DOK5: variants seen among roughly 807,000 people sequenced by gnomAD.
DOK5 encodes downstream of tyrosine kinase 5.
A neutral mutation model predicts 43.3 loss-of-function variants in DOK5; 27 were observed. The ratio of observed to expected loss-of-function variants is 0.62; its 90% CI spans 0.46 to 0.86. The LOEUF (loss-of-function observed/expected upper bound fraction) is 0.86. Ranked by LOEUF, DOK5 falls within the 40% of genes least tolerant of loss-of-function variation. DOK5 has a pLI of 0.00. For synonymous variants in DOK5, 146 were observed against 140.1 expected (o/e 1.04, Z -0.30); for missense variants, 373 against 392.9 (o/e 0.95, Z 0.43).
chr20:54,615,348 G>A (rs886184427), intron 6 of DOK5, among the ~76,000 whole-genome samples: 1 of 152,144 alleles, frequency 6.6e-6, no homozygotes, highest in Non-Finnish European at 1.5e-5. Flanking sequence ...ACCTTACAAG[G>A]CAAAAGGGAC....
rs141236598 is a variant in DOK5 at position 54,587,832 on chromosome 20, C to T, written c.175-651C>T. Reference sequence around the variant, plus strand: ...GTGTTCTCAGAGCCTAAAACAGAGGCCCTGTAACCACTGAGGAGCTAGGAG... The same window carrying T: ...GTGTTCTCAGAGCCTAAAACAGAGGTCCTGTAACCACTGAGGAGCTAGGAG... On this transcript the variant is annotated intron_variant, in intron 2 of 7. Transcript: ENST00000262593. Among the ~76,000 whole-genome samples, 279 of 152,174 alleles carry T rather than the reference C, an allele frequency of 1.8e-3. 1 individual carries two copies. The highest frequency in any genetic ancestry group is 3.4e-3 in the Middle Eastern group (1 of 294).
intron 1 of DOK5, among the ~76,000 whole-genome samples, chr20:54,509,843 C>T (rs1037514853): frequency 2.0e-5 from 3 of 151,936 alleles, no homozygotes; most frequent in African/African-American, 7.3e-5. Flanking sequence ...GTCCCGAAAA[C>T]TAATGCTGCC....
chr20:54,485,326 CT>C (rs1226617839), intron 1 of DOK5, among the ~76,000 whole-genome samples: 2 of 145,044 alleles, frequency 1.4e-5, no homozygotes, highest in Non-Finnish European at 3.0e-5. Context: ...GCACTCCAGC[CT>C]GGGTGACAAG....
At chr20:54,569,073 A>G (rs1985199163) in intron 2 of DOK5, among the ~76,000 whole-genome samples, 1 of 151,980 alleles carries the variant, frequency 6.6e-6, no homozygotes, top group African/African-American at 2.4e-5. Context: ...CATTTTTCAA[A>G]CTCTTTACTC....
chr20:54,540,036 A>G (rs1984095576), intron 1 of DOK5, among the ~76,000 whole-genome samples: 1 of 152,152 alleles, frequency 6.6e-6, no homozygotes, highest in African/African-American at 2.4e-5. Flanking sequence ...AGGCCTAATG[A>G]GTAAGCAGGG....
At chr20:54,507,027 T>G (rs535550596) in intron 1 of DOK5, among the ~76,000 whole-genome samples, 1 of 152,350 alleles carries the variant, frequency 6.6e-6, no homozygotes, top group East Asian at 1.9e-4. Context: ...ATTTGGATAA[T>G]GCATCTAAGT....
At chr20:54,576,781 T>G (rs972237697) in intron 2 of DOK5, among the ~76,000 whole-genome samples, 2 of 152,238 alleles carry the variant, frequency 1.3e-5, no homozygotes, top group African/African-American at 4.8e-5. Context: ...CTGAGTTTTC[T>G]TTCACATCTT....
rs1201790866 is a variant in DOK5, at chr20:54,475,627, G to C, written c.-320G>C. 12 of 464,320 alleles carry C rather than the reference G, an allele frequency of 2.6e-5. No individual in the cohort carries two copies. In the East Asian group the frequency reaches 5.1e-4, roughly 20 times the overall value. 28.8% of individuals were successfully genotyped at this position (464,320 alleles called of 1,614,324 possible). On this transcript the variant is annotated 5_prime_UTR_variant, in exon 1 of 8. Coordinates refer to ENST00000262593, the MANE Select transcript of DOK5 (RefSeq NM_018431.5). This position sits in a 1 kb window ranked among gnomAD's most constrained non-coding sequence, Gnocchi z 4.2. ...CTCCTTCTCGGCCGGGAGGAGGCAG[G>C]GCTGGATCCCTCAGCCGCCGCCGCT... is the stretch of plus-strand genomic sequence containing the variant.
intron 1 of DOK5, among the ~76,000 whole-genome samples, chr20:54,497,202 C>A (rs6098023): frequency 0.015 from 2,298 of 152,280 alleles, 49 homozygotes; most frequent in African/African-American, 0.052. Flanking sequence ...AAGTTGCGGA[C>A]CATGGCTGGT....
intron 6 of DOK5, among the ~76,000 whole-genome samples, chr20:54,614,746 T>C (rs1986753500): frequency 6.6e-6 from 1 of 152,214 alleles, no homozygotes. Context: ...CATCCTGTTA[T>C]AGATGGAAAT....
At chr20:54,517,431 T>C (rs927176250) in intron 1 of DOK5, among the ~76,000 whole-genome samples, 1 of 152,216 alleles carries the variant, frequency 6.6e-6, no homozygotes, top group African/African-American at 2.4e-5. Context: ...CAATTTGAAT[T>C]ATACAGTCTT....
intron 1 of DOK5, among the ~76,000 whole-genome samples, chr20:54,502,789 G>T (rs965613272): frequency 2.0e-5 from 3 of 151,906 alleles, no homozygotes; most frequent in African/African-American, 7.3e-5. Context: ...ATTCCTGTCA[G>T]CATGGTATTT....
At chr20:54,592,421 A>T (rs1446749916) in intron 5 of DOK5, among the ~76,000 whole-genome samples, 1 of 152,152 alleles carries the variant, frequency 6.6e-6, no homozygotes, top group African/African-American at 2.4e-5. Flanking sequence ...TATAGTAACC[A>T]AGCCAGTAGT....
chr20:54,650,267 A>T, intron 7 of DOK5, 148 bp from the exon 8 acceptor site: 1 of 663,594 alleles, frequency 1.5e-6, no homozygotes, highest in Non-Finnish European at 2.6e-6. Context: ...TCTGTGACTC[A>T]TTTACATATC....
chr20:54,639,545 A>T (rs1408656229), intron 6 of DOK5, among the ~76,000 whole-genome samples: 2 of 152,216 alleles, frequency 1.3e-5, no homozygotes, highest in Admixed American at 6.5e-5. Flanking sequence ...TTACAGGGGA[A>T]ATCCCCATAC....
chr20:54,506,239 T>C (rs1982798435), intron 1 of DOK5, among the ~76,000 whole-genome samples: 1 of 152,186 alleles, frequency 6.6e-6, no homozygotes, highest in African/African-American at 2.4e-5. Flanking sequence ...GGATTACCAT[T>C]AACTGCAATG....
chr20:54,510,297 G>C (rs950920050), intron 1 of DOK5, among the ~76,000 whole-genome samples: 1 of 152,050 alleles, frequency 6.6e-6, no homozygotes, highest in African/African-American at 2.4e-5. Flanking sequence ...GTAATTAAGA[G>C]TCACACTTGA....
chr20:54,599,233 G>T (rs1350154462), intron 5 of DOK5, among the ~76,000 whole-genome samples: 1 of 152,122 alleles, frequency 6.6e-6, no homozygotes, highest in Non-Finnish European at 1.5e-5. Context: ...AAATGTGCTG[G>T]ATCTAACACA....
intron 1 of DOK5, among the ~76,000 whole-genome samples, chr20:54,480,991 C>CATCTGTCT (rs1555822342): frequency 1.4e-5 from 2 of 143,162 alleles, no homozygotes; most frequent in Non-Finnish European, 3.0e-5. Flanking sequence ...TATCATCTAT[C>CATCTGTCT]ATCTATCTAT....
Sources: allele counts gnomAD v4.1 joint callset (sites outside exome capture counted in the v4.1 genomes callset), GRCh38; gene constraint gnomAD v4.1.1; non-coding constraint Gnocchi (gnomAD v3.1); transcripts MANE v1.5; gene names NCBI Gene and HGNC (gene_info 2026-07-23, HGNC 2026-07-21).